PISD: variants seen among roughly 807,000 people sequenced by gnomAD.
The protein encoded by PISD is phosphatidylserine decarboxylase proenzyme, mitochondrial.
A neutral mutation model predicts 43.5 loss-of-function variants in PISD; 31 were observed. That is an observed-to-expected ratio of 0.71 (90% CI 0.54 to 0.96). PISD has a LOEUF of 0.96. Among genes scored for constraint, PISD ranks in the 40% least tolerant of loss-of-function variants. PISD has a pLI of 0.00. For synonymous variants in PISD, 259 were observed against 228.7 expected, an observed-to-expected ratio of 1.13 and a Z score of -1.20; for missense variants, 523 against 548.4, an observed-to-expected ratio of 0.95 and a Z score of 0.46.
intron 1 of PISD, among the ~76,000 whole-genome samples, chr22:31,657,330 T>A (rs1370845834): frequency 6.6e-6 from 1 of 151,292 alleles, no homozygotes; most frequent in East Asian, 2.0e-4. Context: ...AGAGATGGGG[T>A]TTCACCTTCT....
At chr22:31,638,806 AT>A (rs567230651) in intron 3 of PISD, 1,531 of 117,836 alleles carry the variant, frequency 0.013, 9 homozygotes, top group South Asian at 0.027. Context: ...TTTCTTTTCC[AT>A]TTTTTTTTTC....
At chr22:31,637,143 TAAAAAAAAAAA>T (rs1170100945) in intron 3 of PISD, among the ~76,000 whole-genome samples, 806 of 31,386 alleles carry the variant, frequency 0.026, 15 homozygotes, top group Non-Finnish European at 0.033. Context: ...ATAAATAAAT[TAAAAAAAAAAA>T]AAAAAAAAAA....
intron 1 of PISD, among the ~76,000 whole-genome samples, chr22:31,654,919 C>T (rs2074123965): frequency 6.6e-6 from 1 of 151,658 alleles, no homozygotes; most frequent in Admixed American, 6.6e-5. Flanking sequence ...CTACTAAAAT[C>T]CAAAAAATTA....
At chr22:31,639,096 C>G (rs761942998) in intron 3 of PISD, among the ~76,000 whole-genome samples, 2 of 145,614 alleles carry the variant, frequency 1.4e-5, no homozygotes, top group Non-Finnish European at 3.0e-5. Flanking sequence ...CAGGTTCAAG[C>G]GATTCTCCTG....
chr22:31,662,342 G>A (rs892174383), upstream of PISD: 6 of 876,758 alleles, frequency 6.8e-6, no homozygotes, highest in Admixed American at 5.6e-5. Flanking sequence ...GCTCCGCCCT[G>A]TGGCTACTCC....
intron 3 of PISD, 89 bp downstream of exon 3, chr22:31,648,012 G>C (rs2073930236): frequency 5.1e-6 from 6 of 1,175,938 alleles, no homozygotes; most frequent in Non-Finnish European, 7.2e-6. Flanking sequence ...TATTTGACTT[G>C]TTCAAACATT....
intron 1 of PISD, among the ~76,000 whole-genome samples, chr22:31,660,225 A>G (rs2074280341): frequency 6.6e-6 from 1 of 152,160 alleles, no homozygotes; most frequent in African/African-American, 2.4e-5. Context: ...TTCTTATTGT[A>G]CCCAAATCTT....
At chr22:31,653,218 T>C (rs928393555) in intron 1 of PISD, among the ~76,000 whole-genome samples, 2 of 152,100 alleles carry the variant, frequency 1.3e-5, no homozygotes, top group Non-Finnish European at 2.9e-5. Context: ...TATATGAAAG[T>C]TCTTTCAGTT....
intron 3 of PISD, among the ~76,000 whole-genome samples, chr22:31,639,655 TG>T (rs1171325791): frequency 7.3e-6 from 1 of 136,266 alleles, no homozygotes; most frequent in African/African-American, 3.1e-5. Flanking sequence ...ATTTTTTTTA[TG>T]ACTTTTGGGG....
At chr22:31,639,180 C>CTT (rs60020183) in intron 3 of PISD, among the ~76,000 whole-genome samples, 7,183 of 133,422 alleles carry the variant, frequency 0.054, 177 homozygotes, top group Non-Finnish European at 0.067. Context: ...TTTCCTTTTT[C>CTT]TTTTTTTTTT....
At chr22:31,634,721 C>T (rs1163655581) in intron 3 of PISD, among the ~76,000 whole-genome samples, 1 of 150,598 alleles carries the variant, frequency 6.6e-6, no homozygotes, top group African/African-American at 2.4e-5. Flanking sequence ...GCCTGTAATC[C>T]CAGCTACTCG....
rs770455980 is a variant in PISD at position 31,619,200 on chromosome 22, G to A, written c.*412C>T. 1.2e-4 allele frequency: 39 copies of A among 320,330 alleles called. No homozygotes were observed. The highest frequency in any genetic ancestry group is 6.5e-4 in the African/African-American group (30 of 45,950). The allele number at this position is 320,330 out of a possible 1,614,324, so 19.8% of individuals were successfully genotyped here. Reference sequence around the variant, plus strand: ...GCACCTCACCCTGTGCAGCAGGAGCGTTAAGGCCAAAAAACAAAAGGGGCC... The same window carrying A: ...GCACCTCACCCTGTGCAGCAGGAGCATTAAGGCCAAAAAACAAAAGGGGCC... On this transcript the variant is annotated 3_prime_UTR_variant, in exon 8 of 8. Coordinates refer to ENST00000439502, the MANE Select transcript of PISD (RefSeq NM_001326411.2).
At chr22:31,623,062 C>G (rs1370816469) in intron 3 of PISD, among the ~76,000 whole-genome samples, 1 of 152,214 alleles carries the variant, frequency 6.6e-6, no homozygotes, top group Non-Finnish European at 1.5e-5. Context: ...GTCCAGGGTG[C>G]CTCAGTGCCC....
intron 3 of PISD, among the ~76,000 whole-genome samples, chr22:31,642,884 C>A (rs1382102883): frequency 2.6e-5 from 4 of 151,548 alleles, no homozygotes; most frequent in African/African-American, 4.8e-5. Flanking sequence ...GGGCGGATCA[C>A]CTGAGGTCGG....
chr22:31,630,929 C>T lies in PISD; in HGVS notation c.322-9044G>A. 3 of 905,752 alleles carry T rather than the reference C, an allele frequency of 3.3e-6. No individual in the cohort carries two copies. Among genetic ancestry groups the T allele is most frequent in the Non-Finnish European group, 2.6e-6 (2 of 757,110 alleles). The allele number at this position is 905,752 out of a possible 1,614,324, so 56.1% of individuals were successfully genotyped here. On this transcript the variant is annotated intron_variant, in intron 3 of 7. Coordinates refer to ENST00000439502, the MANE Select transcript of PISD (RefSeq NM_001326411.2). The surrounding 1 kb of genome is among the most constrained non-coding windows in gnomAD (Gnocchi z 4.4). ...GACTACCAGGGGCGGGGGCAGGAGG[C>T]CGACCCCAGCCACCCTTAAAGCTGC...
At chr22:31,656,832 G>A (rs1465180728) in intron 1 of PISD, among the ~76,000 whole-genome samples, 2 of 151,896 alleles carry the variant, frequency 1.3e-5, no homozygotes, top group Non-Finnish European at 2.9e-5. Flanking sequence ...TGTTTGCTAT[G>A]CTGGGCACAC....
At chr22:31,652,700 C>T (rs1194752479) in intron 1 of PISD, among the ~76,000 whole-genome samples, 3 of 147,132 alleles carry the variant, frequency 2.0e-5, no homozygotes, top group Non-Finnish European at 3.0e-5. Flanking sequence ...ACCAGCTACT[C>T]GGGAGGCTGA....
chr22:31,656,677 T>C (rs1295314338), intron 1 of PISD, among the ~76,000 whole-genome samples: 2 of 148,384 alleles, frequency 1.3e-5, no homozygotes, highest in African/African-American at 5.0e-5. Flanking sequence ...AATAAATAAA[T>C]AAATAAACAA....
rs535092745 is a variant in PISD, at chr22:31,661,929, G to A, written c.65+215C>T. On this transcript the variant is annotated intron_variant, in intron 1 of 7. Coordinates refer to ENST00000439502, the MANE Select transcript of PISD (RefSeq NM_001326411.2). Reference sequence around the variant, plus strand: ...TCGTGAACTTCCACCTAGCTGGAAAGGGCAAAGCGCGAGCTTCTAGGCCAC... The same window carrying A: ...TCGTGAACTTCCACCTAGCTGGAAAAGGCAAAGCGCGAGCTTCTAGGCCAC... Among the ~76,000 whole-genome samples the A allele has an allele frequency of 1.2e-3, 177 of 152,294 alleles. 1 individual carries two copies. The highest frequency in any genetic ancestry group is 2.3e-3 in the Non-Finnish European group (154 of 68,030).
Sources: gnomAD v4.1 joint callset for allele counts (sites outside exome capture counted in the v4.1 genomes callset) on GRCh38, gnomAD v4.1.1 for gene constraint, Gnocchi (gnomAD v3.1) non-coding constraint, MANE v1.5 for transcripts, NCBI Gene and HGNC (gene_info 2026-07-23, HGNC 2026-07-21) for gene names.